The following CPPED1 variants were observed in gnomAD, a reference collection of about 807,000 sequenced individuals.
CPPED1 encodes calcineurin like phosphoesterase domain containing 1.
Under a neutral mutation model 28.0 loss-of-function variants are expected in CPPED1, and 28 were observed. That is an observed-to-expected ratio of 1.00 (90% CI 0.74 to 1.37). The LOEUF (loss-of-function observed/expected upper bound fraction) is 1.37. Ranked by LOEUF, CPPED1 falls within the 40% of genes most tolerant of loss-of-function variation. The pLI is 0.00. For missense variants in CPPED1, 504 were observed against 416.5 expected (o/e 1.21, Z -1.83); for synonymous variants, 198 against 180.2 (o/e 1.10, Z -0.79).
chr16:12,682,199 T>C lies in CPPED1; in HGVS notation c.716-17084A>G, dbSNP rs1020162924. ...ACAGGTTCCCGCTACCATGCCCAGC[T>C]AATTTTTGTGTCTTTAGTAGAGACA... is the stretch of plus-strand genomic sequence containing the variant. On this transcript the variant is annotated intron_variant, in intron 3 of 3. Transcript: ENST00000381774. The surrounding 1 kb of genome is among the most constrained non-coding windows in gnomAD (Gnocchi z 6.1). 5.2e-4 allele frequency among the ~76,000 whole-genome samples: 79 copies of C among 152,190 alleles called. 2 individuals carry two copies. The highest frequency in any genetic ancestry group is 1.9e-3 in the African/African-American group (78 of 41,518).
chr16:12,791,086 A>G (rs2080593707), intron 1 of CPPED1, among the ~76,000 whole-genome samples: 1 of 150,602 alleles, frequency 6.6e-6, no homozygotes, highest in African/African-American at 2.5e-5. Flanking sequence ...TCTGGGATAC[A>G]TGTGCAGAAC....
At position 12,704,972 on chromosome 16, in the gene CPPED1, G is replaced by A; in HGVS notation, c.367C>T (p.Leu123Phe). ...CCAATGTCATGGTTGCCGCTGACAAGGACCAGTGGGATGGCCCTGTCCACT... is the reference window on the plus strand; with the variant it reads ...CCAATGTCATGGTTGCCGCTGACAAAGACCAGTGGGATGGCCCTGTCCACT... Reference protein sequence around the residue: ...RAVDRAIPLVLVSGNHDIGNT... With the variant: ...RAVDRAIPLVFVSGNHDIGNT... The change falls in exon 3 of 4, where the codon CTT becomes TTT. Residue 123 changes from leucine (L) to phenylalanine (F), a missense_variant. Leu to Phe is a conservative substitution (Grantham distance 22). Transcript: ENST00000381774. The A allele has an allele frequency of 1.2e-6, 2 of 1,614,224 alleles. No homozygotes were observed. The highest frequency in any genetic ancestry group is 1.7e-6 in the Non-Finnish European group (2 of 1,180,044).
intron 2 of CPPED1, among the ~76,000 whole-genome samples, chr16:12,715,667 CA>C (rs1436548838): frequency 6.6e-6 from 1 of 151,608 alleles, no homozygotes; most frequent in Non-Finnish European, 1.5e-5. Context: ...CTCAAACAAA[CA>C]AAAAAAGCTA....
At chr16:12,722,692 C>A (rs1254778924) in intron 2 of CPPED1, among the ~76,000 whole-genome samples, 2 of 152,156 alleles carry the variant, frequency 1.3e-5, no homozygotes, top group Non-Finnish European at 2.9e-5. Flanking sequence ...CACCACTGGA[C>A]TCCAACCTGG....
intron 1 of CPPED1, among the ~76,000 whole-genome samples, chr16:12,799,523 G>A (rs2080646568): frequency 6.6e-6 from 1 of 152,216 alleles, no homozygotes; most frequent in African/African-American, 2.4e-5. Flanking sequence ...AGGAATTACA[G>A]GCGTAAGCCA....
intron 1 of CPPED1, among the ~76,000 whole-genome samples, chr16:12,785,353 G>A (rs948774202): frequency 4.6e-5 from 7 of 151,652 alleles, no homozygotes; most frequent in African/African-American, 1.2e-4. Context: ...ATGCTCAAGC[G>A]ATCCTCCTGC....
At chr16:12,790,369 G>C (rs936336942) in intron 1 of CPPED1, among the ~76,000 whole-genome samples, 8 of 152,112 alleles carry the variant, frequency 5.3e-5, no homozygotes, top group African/African-American at 1.9e-4. Context: ...CCAAGAATTA[G>C]AAATTTTATT....
intron 3 of CPPED1, among the ~76,000 whole-genome samples, chr16:12,687,762 G>T (rs2079940920): frequency 6.6e-6 from 1 of 152,142 alleles, no homozygotes. Context: ...CCTGTGTATT[G>T]ATGGATTAAT....
chr16:12,683,977 G>T (rs781662779), intron 3 of CPPED1, among the ~76,000 whole-genome samples: 4 of 152,134 alleles, frequency 2.6e-5, no homozygotes, highest in African/African-American at 9.7e-5. Context: ...ATGGCTGCAG[G>T]GCTTCCGGGC....
At chr16:12,786,692 G>A (rs1027457517) in intron 1 of CPPED1, among the ~76,000 whole-genome samples, 10 of 152,250 alleles carry the variant, frequency 6.6e-5, no homozygotes, top group African/African-American at 1.7e-4. Context: ...AGGCCGAGGC[G>A]GGTGGATCAC....
intron 3 of CPPED1, among the ~76,000 whole-genome samples, chr16:12,701,072 TA>T (rs1473411881): frequency 6.6e-6 from 1 of 151,640 alleles, no homozygotes. Context: ...CTGCAAAAAA[TA>T]AAAAAATTAG....
At chr16:12,753,980 T>C (rs1004969774) in intron 2 of CPPED1, 3 of 152,176 alleles carry the variant, frequency 2.0e-5, no homozygotes, top group African/African-American at 7.2e-5. Flanking sequence ...TCCTGGTCAT[T>C]GCATCACGAG....
chr16:12,713,655 C>G (rs2080091833), intron 2 of CPPED1, among the ~76,000 whole-genome samples: 1 of 152,124 alleles, frequency 6.6e-6, no homozygotes, highest in South Asian at 2.1e-4. Context: ...GCCACCACAC[C>G]TGGCTATAAA....
intron 3 of CPPED1, among the ~76,000 whole-genome samples, chr16:12,691,602 G>C (rs7186232): frequency 0.18 from 27,731 of 151,928 alleles, 4,062 homozygotes; most frequent in African/African-American, 0.41. Flanking sequence ...AGAAAATGTG[G>C]CACATATACA....
chr16:12,691,778 C>T (rs7187983), intron 3 of CPPED1, among the ~76,000 whole-genome samples: 32,377 of 127,448 alleles, frequency 0.25, 7,287 homozygotes, highest in African/African-American at 0.64. Flanking sequence ...CACATGGACA[C>T]AGGAAGGGGA....
rs953854850 is a variant in CPPED1, at chr16:12,719,260, G to A, written c.290-14211C>T. 1.5e-4 allele frequency among the ~76,000 whole-genome samples: 23 copies of A among 151,242 alleles called. 1 individual carries two copies. Among genetic ancestry groups the A allele is most frequent in the Admixed American group, 8.5e-4 (13 of 15,218 alleles). The stretch of plus-strand genomic sequence containing the variant: ...CAAAAAATTAGCCAGGTGCGGTGGC[G>A]GGCGCCTGTAGTCCCAGCTACTCGG... On this transcript the variant is annotated intron_variant, in intron 2 of 3. Coordinates refer to ENST00000381774, the MANE Select transcript of CPPED1 (RefSeq NM_018340.3).
intron 2 of CPPED1, among the ~76,000 whole-genome samples, chr16:12,773,907 A>C (rs1264821216): frequency 2.0e-5 from 3 of 152,184 alleles, no homozygotes; most frequent in Non-Finnish European, 4.4e-5. Context: ...ACAGTAAAAA[A>C]TATGACACAC....
At chr16:12,669,787 G>T (rs1317783010) in intron 3 of CPPED1, among the ~76,000 whole-genome samples, 2 of 152,298 alleles carry the variant, frequency 1.3e-5, no homozygotes, top group African/African-American at 4.8e-5. Flanking sequence ...GCTCCTTGGA[G>T]AAATGGCTAC....
chr16:12,711,653 T>C (rs1418393199), intron 2 of CPPED1, among the ~76,000 whole-genome samples: 1 of 152,144 alleles, frequency 6.6e-6, no homozygotes, highest in Non-Finnish European at 1.5e-5. Context: ...ACCATCATTC[T>C]AATAGGAGCC....
Sources: gnomAD v4.1 joint callset for allele counts (sites outside exome capture counted in the v4.1 genomes callset) on GRCh38, gnomAD v4.1.1 for gene constraint, Gnocchi (gnomAD v3.1) non-coding constraint, MANE v1.5 for transcripts, NCBI Gene and HGNC (gene_info 2026-07-23, HGNC 2026-07-21) for gene names.